Variants in CASZ1 observed in about 807,000 individuals in gnomAD.
CASZ1 encodes the protein castor zinc finger 1.
CASZ1 carries 28 observed loss-of-function variants against 135.2 expected under a neutral mutation model. That is an observed-to-expected ratio of 0.21 (90% CI 0.15 to 0.28). The LOEUF (loss-of-function observed/expected upper bound fraction) is 0.28. Among genes scored for constraint, CASZ1 ranks in the 10% least tolerant of loss-of-function variants. CASZ1 has a pLI of 1.00. For missense variants in CASZ1, 2,161 were observed against 2,453.3 expected (o/e 0.88, Z 2.52); for synonymous variants, 1,068 against 1,073.4 (o/e 0.99, Z 0.10).
At chr1:10,662,865 G>A (rs1325025913) in intron 5 of CASZ1, among the ~76,000 whole-genome samples, 1 of 152,150 alleles carries the variant, frequency 6.6e-6, no homozygotes, top group Non-Finnish European at 1.5e-5. Flanking sequence ...TGGGTCTCTC[G>A]GAATGAGGGA....
rs565828697 is a variant in CASZ1, at chr1:10,752,668, C to T, written c.-77+8033G>A. ...CAGCTGCCCTGGAGAGGGAGCCCCC[C>T]TAGTTGCCAGCCCTCCCTGCTTAGG... On this transcript the variant is annotated intron_variant, in intron 2 of 20. Transcript: ENST00000377022. Among the ~76,000 whole-genome samples the T allele has an allele frequency of 2.5e-3, 376 of 152,302 alleles. 5 individuals are homozygous for T. Among genetic ancestry groups the T allele is most frequent in the South Asian group, 0.01 (50 of 4,824 alleles).
chr1:10,760,382 A>G (rs913815225), intron 2 of CASZ1, among the ~76,000 whole-genome samples: 1 of 152,248 alleles, frequency 6.6e-6, no homozygotes, highest in Non-Finnish European at 1.5e-5. Flanking sequence ...TACCATAGAA[A>G]CACTGGGAAG....
chr1:10,722,514 C>G (rs920652443), intron 2 of CASZ1, among the ~76,000 whole-genome samples: 1 of 152,236 alleles, frequency 6.6e-6, no homozygotes, highest in Admixed American at 6.5e-5. Context: ...ATTCTGGGTG[C>G]TCGGAGAAGG....
intron 4 of CASZ1, among the ~76,000 whole-genome samples, chr1:10,669,542 C>T (rs764418006): frequency 6.6e-6 from 1 of 152,216 alleles, no homozygotes; most frequent in Non-Finnish European, 1.5e-5. Flanking sequence ...CCTCCGTAGG[C>T]GGGGGCAGGC....
intron 3 of CASZ1, among the ~76,000 whole-genome samples, chr1:10,703,375 C>CCA (rs1050604907): frequency 1.3e-5 from 2 of 152,104 alleles, no homozygotes; most frequent in African/African-American, 4.8e-5. Context: ...TGGTTCCCAC[C>CCA]CACCACCTAT....
In CASZ1 at chr1:10,697,602, C is replaced by G. The variant is rs1238720871; in HGVS notation, c.-23-3690G>C. On this transcript the variant is annotated intron_variant, in intron 3 of 20. Coordinates refer to ENST00000377022, the MANE Select transcript of CASZ1 (RefSeq NM_001079843.3). This position sits in a 1 kb window ranked among gnomAD's most constrained non-coding sequence, Gnocchi z 4.7. ...GCTGGTTCCTGTTACCCCCCCCGCA[C>G]CCCCAAGTTGCCCACCTACACTCTC... Among the ~76,000 whole-genome samples the G allele has an allele frequency of 6.6e-6, 1 of 151,770 alleles. No individual in the cohort carries two copies. The highest frequency in any genetic ancestry group is 1.5e-5 in the Non-Finnish European group (1 of 67,948).
intron 4 of CASZ1, among the ~76,000 whole-genome samples, chr1:10,691,727 G>C (rs558622279): frequency 4.3e-4 from 66 of 152,356 alleles, no homozygotes; most frequent in African/African-American, 1.4e-3. Flanking sequence ...GTCAGCCCAG[G>C]GACCAGCTCA....
At chr1:10,716,015 A>T (rs1244901006) in intron 2 of CASZ1, among the ~76,000 whole-genome samples, 4 of 85,682 alleles carry the variant, frequency 4.7e-5, no homozygotes, top group East Asian at 3.6e-4. Flanking sequence ...CCCAATCCAC[A>T]CCCCACAGCA....
chr1:10,679,416 C>G lies in CASZ1; in HGVS notation c.17-13845G>C, dbSNP rs1406482547. Among the ~76,000 whole-genome samples, 1 of 152,174 alleles carries G rather than the reference C, an allele frequency of 6.6e-6. No individual in the cohort carries two copies. The highest frequency in any genetic ancestry group is 1.5e-5 in the Non-Finnish European group (1 of 68,016). Reference sequence around the variant, plus strand: ...CCCCTGGAGCCAACGCCACCCAGGGCTCCCTCTGCCGATTCCAGGCTGGAG... The same window carrying G: ...CCCCTGGAGCCAACGCCACCCAGGGGTCCCTCTGCCGATTCCAGGCTGGAG... On this transcript the variant is annotated intron_variant, in intron 4 of 20. Transcript: ENST00000377022. This position sits in a 1 kb window ranked among gnomAD's most constrained non-coding sequence, Gnocchi z 4.7.
chr1:10,676,967 G>A lies in CASZ1; in HGVS notation c.17-11396C>T, dbSNP rs1476628793. Among the ~76,000 whole-genome samples the A allele has an allele frequency of 6.6e-6, 1 of 152,246 alleles. No individual in the cohort carries two copies. Among genetic ancestry groups the A allele is most frequent in the African/African-American group, 2.4e-5 (1 of 41,466 alleles). The stretch of plus-strand genomic sequence containing the variant: ...GGCCCCTGTGGGCACAGCCAGTCAG[G>A]GGGTGCAGGGCCCCACAGACTTCAG... On this transcript the variant is annotated intron_variant, in intron 4 of 20. Coordinates refer to ENST00000377022, the MANE Select transcript of CASZ1 (RefSeq NM_001079843.3). This position sits in a 1 kb window ranked among gnomAD's most constrained non-coding sequence, Gnocchi z 4.5.
chr1:10,653,578 C>A lies in CASZ1; in HGVS notation c.2479G>T (p.Gly827Trp). The change falls in exon 11 of 21, where the codon GGG becomes TGG. Residue 827 changes from glycine to tryptophan, a missense_variant. Gly to Trp is a radical substitution (Grantham distance 184). Transcript: ENST00000377022. Reference protein sequence around the residue: ...TPSLLGAVSSGSAASATPDTP... With the variant: ...TPSLLGAVSSWSAASATPDTP... Reference sequence around the variant, plus strand: ...TCAGGGGTGGCTGAGGCTGCTGACCCAGACGACACGGCACCCAGGAGGCTG... The same window carrying A: ...TCAGGGGTGGCTGAGGCTGCTGACCAAGACGACACGGCACCCAGGAGGCTG... 1.3e-6 allele frequency: 2 copies of A among 1,567,290 alleles called. No homozygotes were observed. The highest frequency in any genetic ancestry group is 1.7e-6 in the Non-Finnish European group (2 of 1,154,514).
chr1:10,712,960 C>T (rs542785752), intron 2 of CASZ1, among the ~76,000 whole-genome samples: 338 of 152,312 alleles, frequency 2.2e-3, no homozygotes, highest in Non-Finnish European at 3.4e-3. Flanking sequence ...GTCGAGGAGC[C>T]CCACCTCGAA....
chr1:10,667,656 G>T (rs965278087), intron 4 of CASZ1, among the ~76,000 whole-genome samples: 11 of 152,320 alleles, frequency 7.2e-5, no homozygotes, highest in Admixed American at 6.5e-4. Context: ...GGGAAGGGGG[G>T]AGTGGGGGAG....
intron 4 of CASZ1, among the ~76,000 whole-genome samples, chr1:10,675,187 A>C (rs1174477911): frequency 6.6e-6 from 1 of 152,228 alleles, no homozygotes; most frequent in East Asian, 1.9e-4. Context: ...TTTAAACAGT[A>C]ATTAACAGAA....
At chr1:10,668,468 C>T (rs1643305316) in intron 4 of CASZ1, among the ~76,000 whole-genome samples, 2 of 152,234 alleles carry the variant, frequency 1.3e-5, no homozygotes, top group Admixed American at 1.3e-4. Context: ...AGGAGGCAGG[C>T]TTGGGCCAGA....
chr1:10,646,381 G>A lies in CASZ1; in HGVS notation c.3498-55C>T. 1 of 1,564,384 alleles carries A rather than the reference G, an allele frequency of 6.4e-7. No individual in the cohort carries two copies. The highest frequency in any genetic ancestry group is 8.8e-7 in the Non-Finnish European group (1 of 1,141,788). On this transcript the variant is annotated intron_variant, in intron 16 of 20. Transcript: ENST00000377022. The surrounding 1 kb of genome is among the most constrained non-coding windows in gnomAD (Gnocchi z 6.4). ...TTGCCATTCTCAAGCCCTCCCTGCT[G>A]GTGTCCTGACTTCACTTGTGTTGGA...
rs777677902 is a variant in CASZ1, at chr1:10,735,204, C to T, written c.-77+25497G>A. 3.9e-5 allele frequency among the ~76,000 whole-genome samples: 6 copies of T among 152,194 alleles called. No homozygotes were observed. The highest frequency in any genetic ancestry group is 7.3e-5 in the Non-Finnish European group (5 of 68,028). On this transcript the variant is annotated intron_variant, in intron 2 of 20. Coordinates refer to ENST00000377022, the MANE Select transcript of CASZ1 (RefSeq NM_001079843.3). The surrounding 1 kb of genome is among the most constrained non-coding windows in gnomAD (Gnocchi z 5.1). Reference sequence around the variant, plus strand: ...TTTACGGCATCACAAAATTAGTTGTCATGGCGACGGGTTAATTACATCTCA... The same window carrying T: ...TTTACGGCATCACAAAATTAGTTGTTATGGCGACGGGTTAATTACATCTCA...
chr1:10,665,624 A>T, intron 4 of CASZ1, 53 bp from the exon 5 acceptor site: 5 of 1,478,058 alleles, frequency 3.4e-6, no homozygotes, highest in Non-Finnish European at 4.5e-6. Flanking sequence ...GCCAAGAACA[A>T]CCCACCCTCC....
chr1:10,755,104 G>A lies in CASZ1; in HGVS notation c.-77+5597C>T, dbSNP rs555809762. 1.3e-5 allele frequency among the ~76,000 whole-genome samples: 2 copies of A among 152,344 alleles called. No individual in the cohort carries two copies. Among genetic ancestry groups the A allele is most frequent in the Admixed American group, 1.3e-4 (2 of 15,306 alleles). ...GAGCGACCCCCAGGCCTGAAGGGCA[G>A]AGAGCAAGCGGCAGTGGTGTGGGTG... On this transcript the variant is annotated intron_variant, in intron 2 of 20. Transcript: ENST00000377022. The surrounding 1 kb of genome is among the most constrained non-coding windows in gnomAD (Gnocchi z 4.3).
Sources: allele counts gnomAD v4.1 joint callset (sites outside exome capture counted in the v4.1 genomes callset), GRCh38; gene constraint gnomAD v4.1.1; non-coding constraint Gnocchi (gnomAD v3.1); transcripts MANE v1.5; gene names NCBI Gene and HGNC (gene_info 2026-07-23, HGNC 2026-07-21).